SETDB2: variants seen among roughly 807,000 people sequenced by gnomAD.
SETDB2 encodes histone-lysine N-methyltransferase SETDB2.
SETDB2 carries 56 observed loss-of-function variants against 82.5 expected under a neutral mutation model. The observed-to-expected ratio is 0.68, with a 90% CI of 0.55 to 0.85. The LOEUF (loss-of-function observed/expected upper bound fraction) is 0.85, where lower values mean the gene tolerates loss of function less well. Ranked by LOEUF, SETDB2 falls within the 40% of genes least tolerant of loss-of-function variation. The pLI, the probability that SETDB2 is intolerant of heterozygous loss-of-function variation, is 0.00. For synonymous variants in SETDB2, 272 were observed against 284.9 expected (o/e 0.95, Z 0.46); for missense variants, 677 against 816.4 (o/e 0.83, Z 2.08).
intron 4 of SETDB2, 31 bp downstream of exon 4, chr13:49,461,193 A>G: frequency 2.1e-6 from 3 of 1,447,854 alleles, no homozygotes; most frequent in Non-Finnish European, 1.9e-6. Flanking sequence ...ATTGTAGAGT[A>G]TTCTCTGATA....
At chr13:49,471,139 T>G (rs1350838933) in intron 5 of SETDB2, among the ~76,000 whole-genome samples, 2 of 118,756 alleles carry the variant, frequency 1.7e-5, no homozygotes, top group East Asian at 4.8e-4. Context: ...CTGGCTAATT[T>G]TTAACATTTT....
rs1177337454 is a variant in SETDB2 at position 49,491,871 on chromosome 13, GTGAAATTAGCTTATCAGGC to G, written c.*31_*49del. On this transcript the variant is annotated 3_prime_UTR_variant, in exon 14 of 14. Coordinates refer to ENST00000611815, the MANE Select transcript of SETDB2 (RefSeq NM_001160308.3). ...ATAAATATGTAACTAACGCCTGTTT[GTGAAATTAGCTTATCAGGC>G]TGAAATTAAAGCCATGCAAAAGAAG... The G allele has an allele frequency of 6.7e-7, 1 of 1,495,556 alleles. No homozygotes were observed. The allele number at this position is 1,495,556 out of a possible 1,614,324, so 92.6% of individuals were successfully genotyped here. A position where few individuals can be genotyped will look rare whatever the true frequency, so the allele number is the denominator to read the frequency against.
At chr13:49,470,946 T>A (rs1327451096) in intron 5 of SETDB2, among the ~76,000 whole-genome samples, 1 of 113,394 alleles carries the variant, frequency 8.8e-6, no homozygotes, top group Admixed American at 1.0e-4. Flanking sequence ...GTGGGGTTTT[T>A]TTGTTTTCTT....
At chr13:49,460,655 A>G (rs528007090) in intron 3 of SETDB2, among the ~76,000 whole-genome samples, 1 of 150,938 alleles carries the variant, frequency 6.6e-6, no homozygotes, top group African/African-American at 2.4e-5. Flanking sequence ...TATTTTTTCT[A>G]TTTGTTTGTT....
intron 8 of SETDB2, chr13:49,482,445 G>A: frequency 2.3e-6 from 1 of 444,062 alleles, no homozygotes; most frequent in South Asian, 9.5e-5. Flanking sequence ...ATTTTCTAGA[G>A]TACTTTCTCA....
At chr13:49,464,156 A>G (rs1958054283) in intron 4 of SETDB2, 3 of 723,106 alleles carry the variant, frequency 4.1e-6, no homozygotes, top group South Asian at 1.5e-5. Flanking sequence ...AATGGGTCCT[A>G]TGAGAATAAG....
chr13:49,455,785 CA>C (rs10558406), intron 2 of SETDB2, among the ~76,000 whole-genome samples: 1 of 149,016 alleles, frequency 6.7e-6, no homozygotes, highest in Non-Finnish European at 1.5e-5. Context: ...TAAAAAAAAA[CA>C]AAAAAAAACT....
At chr13:49,479,251 A>G (rs1407546077) in intron 6 of SETDB2, among the ~76,000 whole-genome samples, 11 of 152,088 alleles carry the variant, frequency 7.2e-5, no homozygotes, top group African/African-American at 2.7e-4. Context: ...TGGTGTGTAT[A>G]TTTTGAATTA....
In SETDB2 at chr13:49,493,979, A is replaced by G. The variant is rs1958759677; in HGVS notation, c.*2130A>G. ...TGGTGGGATCATTCCGTCTGAAACT[A>G]ATGATTTCCCATCTCTTCACTGTTT... is the stretch of plus-strand genomic sequence containing the variant. On this transcript the variant is annotated 3_prime_UTR_variant, in exon 14 of 14. Transcript: ENST00000611815. 6.6e-6 allele frequency: 1 copy of G among 152,182 alleles called. No individual in the cohort carries two copies. Among genetic ancestry groups the G allele is most frequent in the African/African-American group, 2.4e-5 (1 of 41,432 alleles). The allele number at this position is 152,182 out of a possible 1,614,324, so 9.4% of individuals were successfully genotyped here. A position where few individuals can be genotyped will look rare whatever the true frequency, so the allele number is the denominator to read the frequency against.
At chr13:49,481,254 A>G in intron 8 of SETDB2, 138 bp downstream of exon 8, 1 of 712,530 alleles carries the variant, frequency 1.4e-6, no homozygotes, top group Non-Finnish European at 2.2e-6. Flanking sequence ...AGAGAAAGGC[A>G]GGTAAACTGG....
rs753896624 is a variant in SETDB2 at position 49,488,408 on chromosome 13, G to C, written c.1695G>C (p.Ala565=). The C allele has an allele frequency of 4.3e-6, 7 of 1,613,980 alleles. No individual in the cohort carries two copies. The Admixed American group carries it at 8.3e-5, about 19-fold the overall frequency. Residue 565 remains alanine, a synonymous_variant, in exon 12 of 14, where the codon GCG becomes GCC. Coordinates refer to ENST00000611815, the MANE Select transcript of SETDB2 (RefSeq NM_001160308.3). The part of the protein sequence containing the change: ...ETPPRSRCNQ[A]TTLDNQNIKK... ...CACCAAGGAGCAGATGTAACCAGGC[G>C]ACCACATTGGATAATCAGAATATTA...
intron 2 of SETDB2, among the ~76,000 whole-genome samples, chr13:49,455,753 T>G (rs1957870319): frequency 6.6e-6 from 1 of 151,864 alleles, no homozygotes; most frequent in Non-Finnish European, 1.5e-5. Context: ...AGTGGTTCTT[T>G]TAAGTAAAAA....
Position 49,480,344 on chromosome 13 carries a change from C to A in SETDB2, c.986+9C>A. On this transcript the variant is annotated intron_variant, in intron 7 of 13. Coordinates refer to ENST00000611815, the MANE Select transcript of SETDB2 (RefSeq NM_001160308.3). ...AGACAGATTCCTACTGGGTAAGGTA[C>A]CTTGAGGATTTGTTGCAGGGTGTGT... 6.5e-7 allele frequency: 1 copy of A among 1,536,020 alleles called. No homozygotes were observed. The highest frequency in any genetic ancestry group is 8.8e-7 in the Non-Finnish European group (1 of 1,131,050).
At chr13:49,479,883 C>G (rs1958444697) in intron 6 of SETDB2, among the ~76,000 whole-genome samples, 1 of 152,174 alleles carries the variant, frequency 6.6e-6, no homozygotes, top group Admixed American at 6.6e-5. Flanking sequence ...TTAAGTTTAT[C>G]CATTGTAAAA....
At chr13:49,453,704 T>A (rs532570633) in intron 2 of SETDB2, among the ~76,000 whole-genome samples, 46 of 152,200 alleles carry the variant, frequency 3.0e-4, no homozygotes, top group Non-Finnish European at 5.3e-4. Context: ...TGCTCTAGAT[T>A]GCTCTCGTAT....
intron 5 of SETDB2, among the ~76,000 whole-genome samples, chr13:49,470,913 C>T (rs1045668938): frequency 7.3e-5 from 11 of 150,888 alleles, no homozygotes; most frequent in Middle Eastern, 3.4e-3. Flanking sequence ...AGGACACAGG[C>T]TTCAGGCTTT....
chr13:49,480,243 G>T lies in SETDB2; in HGVS notation c.894G>T (p.Leu298=). ...IDITKCACLQ[L]TARNAKTSPL... is the part of the protein sequence containing the mutation. ...GAACAAAATGTGCATGTCTTCAACT[G>T]ACAGCAAGGAATGCCAAAACTTCCC... The change falls in exon 7 of 14, where the codon CTG becomes CTT. Residue 298 remains leucine (L), a synonymous_variant. Coordinates refer to ENST00000611815, the MANE Select transcript of SETDB2 (RefSeq NM_001160308.3). The T allele has an allele frequency of 6.2e-7, 1 of 1,609,786 alleles. No individual in the cohort carries two copies. Among genetic ancestry groups the T allele is most frequent in the South Asian group, 1.1e-5 (1 of 90,162 alleles).
At chr13:49,448,470 T>C (rs778773014) in intron 1 of SETDB2, among the ~76,000 whole-genome samples, 12 of 152,350 alleles carry the variant, frequency 7.9e-5, no homozygotes, top group Non-Finnish European at 1.6e-4. Flanking sequence ...CCTTCAGGCT[T>C]TGAAATGTAT....
chr13:49,454,738 G>A (rs1252370526), intron 2 of SETDB2, among the ~76,000 whole-genome samples: 3 of 152,148 alleles, frequency 2.0e-5, no homozygotes, highest in Non-Finnish European at 2.9e-5. Context: ...ACTGCATAAT[G>A]TCATGCATCT....
Sources: allele counts gnomAD v4.1 joint callset (sites outside exome capture counted in the v4.1 genomes callset), GRCh38; gene constraint gnomAD v4.1.1; transcripts MANE v1.5; gene names NCBI Gene and HGNC (gene_info 2026-07-23, HGNC 2026-07-21).